RNF212: variants seen among roughly 807,000 people sequenced by gnomAD.
RNF212 encodes the protein ring finger protein 212, also known as probable E3 SUMO-protein ligase RNF212.
Under a neutral mutation model 34.7 loss-of-function variants are expected in RNF212, and 33 were observed. The ratio of observed to expected loss-of-function variants is 0.95; its 90% CI spans 0.72 to 1.27. RNF212 has a LOEUF of 1.27. RNF212 is among the 50% of genes most tolerant of loss of function. RNF212 has a pLI of 0.00. For synonymous variants in RNF212, 140 were observed against 136.1 expected, an observed-to-expected ratio of 1.03 and a Z score of -0.20; for missense variants, 377 against 362.2, an observed-to-expected ratio of 1.04 and a Z score of -0.33.
intron 3 of RNF212, among the ~76,000 whole-genome samples, chr4:1,062,037 A>G (rs925289280): frequency 1.3e-5 from 2 of 152,212 alleles, no homozygotes; most frequent in Non-Finnish European, 2.9e-5. Flanking sequence ...GGAAAATATG[A>G]TGATAGTGAC....
intron 3 of RNF212, 65 bp downstream of exon 3, chr4:1,096,700 C>T (rs1017912557): frequency 7.6e-6 from 8 of 1,059,264 alleles, no homozygotes; most frequent in Non-Finnish European, 1.0e-5. Context: ...CCCCTCATAG[C>T]TCCATGGTCT....
At chr4:1,079,134 GACC>G (rs1484540381) in intron 8 of RNF212, among the ~76,000 whole-genome samples, 3 of 151,098 alleles carry the variant, frequency 2.0e-5, no homozygotes, top group African/African-American at 7.3e-5. Context: ...ACCAACATAG[GACC>G]AACACAGGGT....
At chr4:1,064,438 GTAA>G (rs1717955365) in intron 3 of RNF212, among the ~76,000 whole-genome samples, 2 of 152,198 alleles carry the variant, frequency 1.3e-5, no homozygotes, top group Non-Finnish European at 2.9e-5. Flanking sequence ...TTGGGCTTCT[GTAA>G]TAAAATACCA....
At chr4:1,091,809 G>A (rs554210099) in intron 3 of RNF212, among the ~76,000 whole-genome samples, 3 of 152,172 alleles carry the variant, frequency 2.0e-5, no homozygotes, top group East Asian at 1.9e-4. Flanking sequence ...TGGCTGCTGC[G>A]TCCTCGGAGT....
At chr4:1,075,170 G>A (rs377761458) in intron 8 of RNF212, among the ~76,000 whole-genome samples, 8 of 152,288 alleles carry the variant, frequency 5.3e-5, no homozygotes, top group African/African-American at 1.9e-4. Context: ...ACATGGGAGG[G>A]GCTGTGTACG....
At chr4:1,090,982 A>T in intron 3 of RNF212, 144 bp from the exon 4 acceptor site, 1 of 606,818 alleles carries the variant, frequency 1.6e-6, no homozygotes, top group South Asian at 2.0e-5. Context: ...ACAGACGCCC[A>T]TGGCCAGTGC....
At chr4:1,060,650 C>T (rs1167883601) in intron 3 of RNF212, among the ~76,000 whole-genome samples, 2 of 152,266 alleles carry the variant, frequency 1.3e-5, no homozygotes, top group East Asian at 1.9e-4. Flanking sequence ...AAAAATTTAA[C>T]TGAAACATGC....
upstream of RNF212, chr4:1,113,631 C>T: frequency 2.0e-6 from 1 of 503,544 alleles, no homozygotes; most frequent in Non-Finnish European, 3.4e-6. Flanking sequence ...GCCAACCTCG[C>T]GGGTTCTCCC....
chr4:1,056,377 G>A (rs1717332159), exon 5 of RNF212: 1 of 229,098 alleles, frequency 4.4e-6, no homozygotes, highest in Non-Finnish European at 7.3e-6. Context: ...ACTGGAAGGG[G>A]GCAGAGCGGG....
intron 3 of RNF212, among the ~76,000 whole-genome samples, chr4:1,061,877 T>A (rs187653233): frequency 6.6e-6 from 1 of 152,188 alleles, no homozygotes; most frequent in Admixed American, 6.5e-5. Context: ...GTTGTCCAGA[T>A]TGCAGCCCCA....
rs965777618 is a variant in RNF212, at chr4:1,097,357, C to T, written c.172-518G>A. Among the ~76,000 whole-genome samples, 5 of 152,276 alleles carry T rather than the reference C, an allele frequency of 3.3e-5. No homozygotes were observed. In the South Asian group the frequency reaches 8.3e-4, roughly 25 times the overall value. ...CGGTGGCTCAAGCTTGTAATCTCAG[C>T]ACTTTGGGAGGCCGAGGCGGGCGGA... On this transcript the variant is annotated intron_variant, in intron 2 of 9. Coordinates refer to ENST00000433731, the MANE Select transcript of RNF212 (RefSeq NM_001131034.4).
chr4:1,075,220 A>G (rs1232320637), intron 8 of RNF212, among the ~76,000 whole-genome samples: 1 of 152,222 alleles, frequency 6.6e-6, no homozygotes, highest in African/African-American at 2.4e-5. Context: ...GCCTACACGC[A>G]TGTTTGCTCT....
chr4:1,093,356 A>G, intron 3 of RNF212: 1 of 1,153,718 alleles, frequency 8.7e-7, no homozygotes, highest in Non-Finnish European at 1.1e-6. Flanking sequence ...CAATAAATCC[A>G]TGATGTGTTA....
intron 5 of RNF212, chr4:1,082,017 G>C: frequency 4.0e-6 from 1 of 247,510 alleles, no homozygotes; most frequent in Non-Finnish European, 7.9e-6. Context: ...TTGGGAGGCA[G>C]GGGCGGGAGG....
intron 4 of RNF212, among the ~76,000 whole-genome samples, chr4:1,087,949 C>T (rs569108809): frequency 3.4e-4 from 51 of 152,218 alleles, no homozygotes; most frequent in African/African-American, 1.2e-3. Flanking sequence ...AACCCCTTTC[C>T]TTTATAAATC....
chr4:1,058,944 G>A (rs944533789), intron 3 of RNF212, among the ~76,000 whole-genome samples: 2 of 152,222 alleles, frequency 1.3e-5, no homozygotes, highest in Non-Finnish European at 2.9e-5. Flanking sequence ...GGGCAAAAGC[G>A]CGTCCAGAAT....
intron 3 of RNF212, among the ~76,000 whole-genome samples, chr4:1,065,732 G>GCAAT (rs1553798696): frequency 6.6e-6 from 1 of 151,926 alleles, no homozygotes; most frequent in Admixed American, 6.6e-5. Flanking sequence ...GACTACAGGT[G>GCAAT]TGTGCCACCA....
rs1202581733 is a variant in RNF212 at position 1,081,592 on chromosome 4, G to A, written c.390C>T (p.Phe130=). The A allele has an allele frequency of 1.2e-6, 2 of 1,611,194 alleles. No individual in the cohort carries two copies. Among genetic ancestry groups the A allele is most frequent in the African/African-American group, 1.3e-5 (1 of 74,826 alleles). The change falls in exon 6 of 10, where the codon TTC becomes TTT. Residue 130 remains phenylalanine (F), a synonymous_variant. Transcript: ENST00000433731. ...TTGAAACTGAACTTTTTATTGTGCTGAAAGCTGTTTGTTGTGATGATCTCA... is the reference window on the plus strand; with the variant it reads ...TTGAAACTGAACTTTTTATTGTGCTAAAAGCTGTTTGTTGTGATGATCTCA... The part of the protein sequence containing the change: ...QSMRSSQQTA[F]STIKSSVSTK...
At position 1,072,707 on chromosome 4, in the gene RNF212, C is replaced by A. The variant is rs183214373; in HGVS notation, c.*167G>T. 7 of 1,375,028 alleles carry A rather than the reference C, an allele frequency of 5.1e-6. No homozygotes were observed. The East Asian group carries it at 1.8e-4, about 35-fold the overall frequency. The allele number at this position is 1,375,028 out of a possible 1,614,324, so 85.2% of individuals were successfully genotyped here. A position where few individuals can be genotyped will look rare whatever the true frequency, so the allele number is the denominator to read the frequency against. ...ACATAAAAATATTGTCTCTAAAATT[C>A]AAAGGTCAAATATAAAATTACAAAG... On this transcript the variant is annotated 3_prime_UTR_variant, in exon 10 of 10. Transcript: ENST00000433731.
Sources: allele counts gnomAD v4.1 joint callset (sites outside exome capture counted in the v4.1 genomes callset), GRCh38; gene constraint gnomAD v4.1.1; transcripts MANE v1.5; gene names NCBI Gene and HGNC (gene_info 2026-07-23, HGNC 2026-07-21).